The following FUBP3 variants were observed in gnomAD, a reference collection of about 807,000 sequenced individuals.
FUBP3 encodes the protein far upstream element-binding protein 3.
A neutral mutation model predicts 85.6 loss-of-function variants in FUBP3; 28 were observed. The observed-to-expected ratio is 0.33, with a 90% confidence interval of 0.24 to 0.45. The LOEUF is 0.45. Ranked by LOEUF, FUBP3 falls within the 20% of genes least tolerant of loss-of-function variation. FUBP3 has a pLI of 1.00. For missense variants in FUBP3, 583 were observed against 755.1 expected (o/e 0.77, Z 2.67); for synonymous variants, 271 against 271.4 (o/e 1.00, Z 0.01).
chr9:130,582,486 T>G (rs1189305777), intron 1 of FUBP3, among the ~76,000 whole-genome samples: 2 of 151,494 alleles, frequency 1.3e-5, no homozygotes, highest in Non-Finnish European at 2.9e-5. Context: ...GAAAGAAATG[T>G]GATCTCATTC....
At chr9:130,589,953 C>T (rs1179570209) in intron 1 of FUBP3, among the ~76,000 whole-genome samples, 4 of 146,424 alleles carry the variant, frequency 2.7e-5, no homozygotes, top group East Asian at 2.0e-4. Context: ...TGGGCTCAAA[C>T]GATCCTCCTA....
At chr9:130,594,367 G>A (rs76527792) in intron 1 of FUBP3, among the ~76,000 whole-genome samples, 4 of 152,110 alleles carry the variant, frequency 2.6e-5, no homozygotes. Flanking sequence ...CAGATCACCT[G>A]AGGTCAGGAG....
chr9:130,606,541 C>T (rs1331933626), intron 2 of FUBP3, among the ~76,000 whole-genome samples: 4 of 152,040 alleles, frequency 2.6e-5, no homozygotes, highest in African/African-American at 7.3e-5. Context: ...GCTGATGTGG[C>T]CGGGCGCGGT....
intron 16 of FUBP3, 146 bp downstream of exon 16, chr9:130,632,424 G>C (rs1239236508): frequency 1.5e-6 from 1 of 653,434 alleles, no homozygotes; most frequent in African/African-American, 1.8e-5. Flanking sequence ...GGTGGGGCTT[G>C]GGCCCTCCTG....
At chr9:130,582,645 G>A (rs1237059499) in intron 1 of FUBP3, among the ~76,000 whole-genome samples, 3 of 152,150 alleles carry the variant, frequency 2.0e-5, no homozygotes, top group South Asian at 2.1e-4. Flanking sequence ...TTCCACAGCC[G>A]TCCTCTGCAC....
intron 1 of FUBP3, among the ~76,000 whole-genome samples, chr9:130,589,628 A>G (rs1018359289): frequency 1.4e-4 from 20 of 142,378 alleles, no homozygotes; most frequent in Non-Finnish European, 2.9e-4. Context: ...ACAGGCATGA[A>G]CCCCTGCACC....
intron 2 of FUBP3, among the ~76,000 whole-genome samples, chr9:130,606,649 C>T (rs1256367042): frequency 2.0e-5 from 3 of 152,106 alleles, no homozygotes; most frequent in Admixed American, 1.3e-4. Flanking sequence ...GGAGAAACCC[C>T]GTCTCTACTA....
intron 12 of FUBP3, 108 bp from the exon 13 acceptor site, chr9:130,630,520 G>A (rs188463478): frequency 1.1e-4 from 89 of 820,158 alleles, no homozygotes; most frequent in Middle Eastern, 3.8e-4. Context: ...GGCAAGTGCC[G>A]ACGTGCACAA....
Position 130,637,098 on chromosome 9 carries a change from T to C in FUBP3, c.*76T>C, listed in dbSNP as rs931201432. 3.5e-6 allele frequency: 4 copies of C among 1,141,862 alleles called. No individual in the cohort carries two copies. Among genetic ancestry groups the C allele is most frequent in the Non-Finnish European group, 5.3e-6 (4 of 749,492 alleles). The allele number at this position is 1,141,862 out of a possible 1,614,324, so 70.7% of individuals were successfully genotyped here. A position where few individuals can be genotyped will look rare whatever the true frequency, so the allele number is the denominator to read the frequency against. On this transcript the variant is annotated 3_prime_UTR_variant, in exon 19 of 19. Coordinates refer to ENST00000319725, the MANE Select transcript of FUBP3 (RefSeq NM_003934.2). Reference sequence around the variant, plus strand: ...CCTATTTGTAACAGAGGTTTTTACATTTGCAAACCTTTTGATGAAGAACTG... The same window carrying C: ...CCTATTTGTAACAGAGGTTTTTACACTTGCAAACCTTTTGATGAAGAACTG...
At chr9:130,594,206 C>T (rs1484531621) in intron 1 of FUBP3, among the ~76,000 whole-genome samples, 3 of 152,018 alleles carry the variant, frequency 2.0e-5, no homozygotes, top group Non-Finnish European at 4.4e-5. Context: ...CAGCACTTTG[C>T]GAGACTGAGG....
At chr9:130,599,322 C>CATAT (rs1047702523) in intron 2 of FUBP3, among the ~76,000 whole-genome samples, 1 of 145,256 alleles carries the variant, frequency 6.9e-6, no homozygotes, top group African/African-American at 2.8e-5. Context: ...TATAGATACA[C>CATAT]ATATATACAC....
chr9:130,590,091 C>A (rs2119015939), intron 1 of FUBP3, among the ~76,000 whole-genome samples: 1 of 140,412 alleles, frequency 7.1e-6, no homozygotes, highest in East Asian at 2.2e-4. Context: ...AGAACACATG[C>A]CCCTAAAATG....
intron 9 of FUBP3, among the ~76,000 whole-genome samples, 168 bp from the exon 10 acceptor site, chr9:130,622,540 A>C (rs1223263361): frequency 6.6e-6 from 1 of 151,464 alleles, no homozygotes; most frequent in Non-Finnish European, 1.5e-5. Context: ...CTGAGGTGGG[A>C]GAATCATTGG....
intron 18 of FUBP3, 30 bp downstream of exon 18, chr9:130,636,156 A>T: frequency 6.2e-7 from 1 of 1,607,466 alleles, no homozygotes; most frequent in Non-Finnish European, 8.5e-7. Context: ...CACCGCTGCC[A>T]CTCCCTAGCC....
At position 130,617,785 on chromosome 9, in the gene FUBP3, T is replaced by G; in HGVS notation, c.568-12T>G. 6.6e-7 allele frequency: 1 copy of G among 1,506,054 alleles called. No homozygotes were observed. The highest frequency in any genetic ancestry group is 9.2e-7 in the Non-Finnish European group (1 of 1,081,428). The allele number at this position is 1,506,054 out of a possible 1,614,324, so 93.3% of individuals were successfully genotyped here. Reference sequence around the variant, plus strand: ...TTATTCATGAGGCTGTGCTGGTGTGTGTTCCCCACAGGAGCGGACAGGGGT... The same window carrying G: ...TTATTCATGAGGCTGTGCTGGTGTGGGTTCCCCACAGGAGCGGACAGGGGT... On this transcript the variant is annotated splice_polypyrimidine_tract_variant and intron_variant, in intron 7 of 18. Coordinates refer to ENST00000319725, the MANE Select transcript of FUBP3 (RefSeq NM_003934.2).
chr9:130,611,414 C>T (rs1831739043), intron 3 of FUBP3, among the ~76,000 whole-genome samples: 1 of 152,156 alleles, frequency 6.6e-6, no homozygotes, highest in Non-Finnish European at 1.5e-5. Context: ...AGAACACATA[C>T]ATCGCAAGAG....
chr9:130,589,732 A>ATTTTTT (rs1564191169), intron 1 of FUBP3, among the ~76,000 whole-genome samples: 1 of 93,884 alleles, frequency 1.1e-5, no homozygotes, highest in East Asian at 3.1e-4. Flanking sequence ...TTTTTTTAAG[A>ATTTTTT]GACAGGGTCT....
intron 12 of FUBP3, among the ~76,000 whole-genome samples, chr9:130,628,850 A>G (rs561105043): frequency 1.3e-5 from 2 of 151,870 alleles, no homozygotes; most frequent in Admixed American, 6.6e-5. Context: ...GCTCACTGCA[A>G]CCTCCGCCTC....
intron 1 of FUBP3, among the ~76,000 whole-genome samples, chr9:130,584,166 A>G (rs1241737909): frequency 1.3e-5 from 2 of 152,234 alleles, no homozygotes; most frequent in East Asian, 3.8e-4. Context: ...CCTGTGAGCT[A>G]TAGAAGACTT....
Sources: allele counts gnomAD v4.1 joint callset (sites outside exome capture counted in the v4.1 genomes callset), GRCh38; gene constraint gnomAD v4.1.1; transcripts MANE v1.5; gene names NCBI Gene and HGNC (gene_info 2026-07-23, HGNC 2026-07-21).